IQSEC1: variants seen among roughly 807,000 people sequenced by gnomAD.
IQSEC1 encodes IQ motif and Sec7 domain ArfGEF 1, also known as IQ motif and SEC7 domain-containing protein 1.
IQSEC1 carries 31 observed loss-of-function variants against 91.0 expected under a neutral mutation model. The observed-to-expected ratio is 0.34, with a 90% CI of 0.26 to 0.46. The LOEUF is 0.46. Ranked by LOEUF, IQSEC1 falls within the 20% of genes least tolerant of loss-of-function variation. The pLI, the probability that IQSEC1 is intolerant of heterozygous loss-of-function variation, is 1.00. For missense variants in IQSEC1, 1,388 were observed against 1,575.6 expected, an observed-to-expected ratio of 0.88 and a Z score of 2.02; for synonymous variants, 699 against 662.6, an observed-to-expected ratio of 1.05 and a Z score of -0.84.
At position 12,899,352 on chromosome 3, in the gene IQSEC1, TGGGCAGGCGCCG is replaced by T. The variant is rs778592227; in HGVS notation, c.*1619_*1630del. ...CGCCCTTTCTGAAAGGGCCTCCGCC[TGGGCAGGCGCCG>T]GGGGGCAGTCCTCGGGTCCCATGGC... is the stretch of plus-strand genomic sequence containing the variant. On this transcript the variant is annotated 3_prime_UTR_variant, in exon 14 of 14. Transcript: ENST00000613206. 2.9e-4 allele frequency: 465 copies of T among 1,610,016 alleles called. 2 individuals are homozygous for T. The African/African-American group carries it at 5.6e-3, about 19-fold the overall frequency.
intron 12 of IQSEC1, among the ~76,000 whole-genome samples, chr3:12,903,847 G>A (rs1429955175): frequency 6.6e-6 from 1 of 152,204 alleles, no homozygotes; most frequent in African/African-American, 2.4e-5. Flanking sequence ...GCGCTGCGCT[G>A]GACATGTCAA....
intron 2 of IQSEC1, among the ~76,000 whole-genome samples, chr3:13,163,786 G>T (rs375655036): frequency 6.6e-6 from 1 of 150,566 alleles, no homozygotes; most frequent in African/African-American, 2.4e-5. Flanking sequence ...GGTCCTAGAC[G>T]GGTCACAGCC....
At position 12,899,985 on chromosome 3, in the gene IQSEC1, A is replaced by G. The variant is rs1694067551; in HGVS notation, c.*998T>C. 1.0e-6 allele frequency: 1 copy of G among 985,236 alleles called. No homozygotes were observed. Among genetic ancestry groups the G allele is most frequent in the Admixed American group, 6.1e-5 (1 of 16,262 alleles). 61.0% of individuals were successfully genotyped at this position (985,236 alleles called of 1,614,324 possible). A position where few individuals can be genotyped will look rare whatever the true frequency, so the allele number is the denominator to read the frequency against. Reference sequence around the variant, plus strand: ...CATAAAAGAAACATGGATCATGGAGAGTCACAGTTATCGCAGCCATTAAAG... The same window carrying G: ...CATAAAAGAAACATGGATCATGGAGGGTCACAGTTATCGCAGCCATTAAAG... On this transcript the variant is annotated 3_prime_UTR_variant, in exon 14 of 14. Transcript: ENST00000613206.
chr3:12,986,304 A>G (rs538641888), intron 1 of IQSEC1, among the ~76,000 whole-genome samples: 22 of 152,256 alleles, frequency 1.4e-4, no homozygotes, highest in African/African-American at 5.3e-4. Context: ...CTGGAGCCCC[A>G]GGTAACAGCA....
chr3:13,227,355 G>T (rs1472233176), intron 1 of IQSEC1, among the ~76,000 whole-genome samples: 1 of 109,494 alleles, frequency 9.1e-6, no homozygotes, highest in Non-Finnish European at 1.7e-5. Flanking sequence ...CAGCCTGGGC[G>T]ACAAAGCGGG....
intron 1 of IQSEC1, among the ~76,000 whole-genome samples, chr3:12,951,383 A>G (rs1699533241): frequency 6.6e-6 from 1 of 152,068 alleles, no homozygotes; most frequent in Non-Finnish European, 1.5e-5. Context: ...AGATTGCACC[A>G]CTGGGCAACA....
intron 1 of IQSEC1, among the ~76,000 whole-genome samples, chr3:12,982,309 A>T (rs893959652): frequency 1.3e-5 from 2 of 152,210 alleles, no homozygotes; most frequent in African/African-American, 4.8e-5. Context: ...AAAATTGTTT[A>T]TGGGTGTGAT....
intron 1 of IQSEC1, among the ~76,000 whole-genome samples, chr3:13,277,137 A>AAAAAAAAAAAAAAAAAAAAAC (rs60347391): frequency 3.4e-5 from 4 of 118,324 alleles, no homozygotes; most frequent in African/African-American, 1.5e-4. Flanking sequence ...AAAAAAAAAA[A>AAAAAAAAAAAAAAAAAAAAAC]CAGAAAACAA....
chr3:12,977,051 G>A (rs897414365), intron 1 of IQSEC1, among the ~76,000 whole-genome samples: 20 of 152,174 alleles, frequency 1.3e-4, no homozygotes, highest in South Asian at 1.0e-3. Flanking sequence ...AAAAGGAGGC[G>A]TCAGGCTGGG....
At chr3:13,151,216 C>T (rs1321084531) in intron 2 of IQSEC1, among the ~76,000 whole-genome samples, 1 of 152,182 alleles carries the variant, frequency 6.6e-6, no homozygotes, top group Non-Finnish European at 1.5e-5. Context: ...GCCCACCTAA[C>T]GTCAGGTATT....
At chr3:13,265,839 A>T (rs1695479478) in intron 1 of IQSEC1, among the ~76,000 whole-genome samples, 1 of 151,044 alleles carries the variant, frequency 6.6e-6, no homozygotes, top group African/African-American at 2.4e-5. Flanking sequence ...AGCCACATGT[A>T]ACCACCAGAG....
chr3:13,147,348 A>G (rs1706915870), intron 2 of IQSEC1, among the ~76,000 whole-genome samples: 1 of 122,634 alleles, frequency 8.2e-6, no homozygotes, highest in African/African-American at 3.1e-5. Context: ...TGTGAGGTCC[A>G]TTATATCACA....
rs756641581 is a variant in IQSEC1 at position 13,141,720 on chromosome 3, GGTCTGTGTTCT to G, written c.302+22373_302+22383del. ...TCCCCTCCTCGACCTACATATCAGG[GGTCTGTGTTCT>G]TCCTGGGAAATGCTGCCAATTTCAG... is the stretch of plus-strand genomic sequence containing the variant. On this transcript the variant is annotated intron_variant, in intron 2 of 15. Transcript: ENST00000648114. Among the ~76,000 whole-genome samples, 447 of 152,316 alleles carry G rather than the reference GGTCTGTGTTCT, an allele frequency of 2.9e-3. 1 individual carries two copies. Among genetic ancestry groups the G allele is most frequent in the Admixed American group, 6.7e-3 (102 of 15,308 alleles).
chr3:13,281,644 C>T (rs1576322018), intron 1 of IQSEC1, among the ~76,000 whole-genome samples: 1 of 152,196 alleles, frequency 6.6e-6, no homozygotes, highest in Non-Finnish European at 1.5e-5. Flanking sequence ...GTTTCCATGA[C>T]AGTACTGGGA....
Position 12,902,144 on chromosome 3 carries a change from G to T in IQSEC1, c.2806-622C>A, listed in dbSNP as rs530604470. Among the ~76,000 whole-genome samples the T allele has an allele frequency of 2.6e-5, 4 of 152,286 alleles. No homozygotes were observed. The South Asian group carries it at 8.3e-4, about 32-fold the overall frequency. On this transcript the variant is annotated intron_variant, in intron 13 of 13. Coordinates refer to ENST00000613206, the MANE Select transcript of IQSEC1 (RefSeq NM_001134382.3). ...AAGGAAAAAGAAGGTAACAGAAAAAGATCTGCAAGCTGAGGTAGAGATGTG... is the reference window on the plus strand; with the variant it reads ...AAGGAAAAAGAAGGTAACAGAAAAATATCTGCAAGCTGAGGTAGAGATGTG...
chr3:13,089,531 G>A (rs891037141), intron 2 of IQSEC1, among the ~76,000 whole-genome samples: 2 of 152,216 alleles, frequency 1.3e-5, no homozygotes, highest in African/African-American at 2.4e-5. Flanking sequence ...GCTTCAGTGA[G>A]CTGTGTTTGT....
intron 2 of IQSEC1, among the ~76,000 whole-genome samples, chr3:13,109,284 TTTC>T (rs1211226652): frequency 6.6e-6 from 1 of 152,208 alleles, no homozygotes; most frequent in African/African-American, 2.4e-5. Context: ...ACCACTCTTT[TTTC>T]TTCTTCTTTT....
At chr3:13,161,093 C>A (rs1290441639) in intron 2 of IQSEC1, among the ~76,000 whole-genome samples, 1 of 152,194 alleles carries the variant, frequency 6.6e-6, no homozygotes, top group African/African-American at 2.4e-5. Flanking sequence ...ATTTTCTAAA[C>A]ATAGGAAACA....
chr3:13,186,200 C>T (rs1305778029), intron 1 of IQSEC1, among the ~76,000 whole-genome samples: 7 of 152,172 alleles, frequency 4.6e-5, no homozygotes, highest in Admixed American at 3.3e-4. Flanking sequence ...CCCACTGGAA[C>T]GTCTGCTCCC....
Sources: allele counts gnomAD v4.1 joint callset (sites outside exome capture counted in the v4.1 genomes callset), GRCh38; gene constraint gnomAD v4.1.1; transcripts MANE v1.5; gene names NCBI Gene and HGNC (gene_info 2026-07-23, HGNC 2026-07-21).